Variants in NFAT5 observed in about 807,000 individuals in gnomAD.
The protein encoded by NFAT5 is nuclear factor of activated T-cells 5.
Under a neutral mutation model 166.5 loss-of-function variants are expected in NFAT5, and 31 were observed. The ratio of observed to expected loss-of-function variants is 0.19; its 90% CI spans 0.14 to 0.25. The LOEUF (loss-of-function observed/expected upper bound fraction) is 0.25, where lower values mean the gene tolerates loss of function less well. NFAT5 is among the 10% of genes least tolerant of loss of function. The pLI is 1.00. For synonymous variants in NFAT5, 612 were observed against 639.7 expected, an observed-to-expected ratio of 0.96 and a Z score of 0.65; for missense variants, 1,449 against 1,821.8, an observed-to-expected ratio of 0.80 and a Z score of 3.72.
At chr16:69,576,949 A>G (rs190094083) in intron 2 of NFAT5, among the ~76,000 whole-genome samples, 4 of 152,328 alleles carry the variant, frequency 2.6e-5, no homozygotes, top group Non-Finnish European at 4.4e-5. Flanking sequence ...GGAAGCATGG[A>G]TGCCATTGTT....
At chr16:69,582,330 G>A (rs986998035) in intron 2 of NFAT5, among the ~76,000 whole-genome samples, 25 of 151,954 alleles carry the variant, frequency 1.6e-4, no homozygotes, top group African/African-American at 5.8e-4. Flanking sequence ...GAATTGTAAG[G>A]GGGTAGTGTC....
At chr16:69,571,976 A>G (rs974494867) in intron 2 of NFAT5, among the ~76,000 whole-genome samples, 7 of 151,876 alleles carry the variant, frequency 4.6e-5, no homozygotes, top group Non-Finnish European at 8.8e-5. Flanking sequence ...ATTAGCCAGG[A>G]TGGTCTCGAT....
At chr16:69,614,817 A>G (rs2033863725) in intron 2 of NFAT5, among the ~76,000 whole-genome samples, 1 of 150,360 alleles carries the variant, frequency 6.7e-6, no homozygotes, top group Non-Finnish European at 1.5e-5. Context: ...ATATCTCTTT[A>G]GTTTCTTTGA....
intron 3 of NFAT5, among the ~76,000 whole-genome samples, chr16:69,630,715 T>C (rs1021411861): frequency 1.3e-5 from 2 of 152,220 alleles, no homozygotes; most frequent in Non-Finnish European, 2.9e-5. Context: ...AAAGATTCTT[T>C]TGTTTATTTT....
rs552453933 is a variant in NFAT5, at chr16:69,673,335, T to C, written c.1557+3047T>C. On this transcript the variant is annotated intron_variant, in intron 9 of 14. Transcript: ENST00000349945. ...CTAAAGGGGTTTTCTTGGAAGCCTT[T>C]TCTTTGAGTGGAATCAGAGCTGAGA... 2.0e-5 allele frequency among the ~76,000 whole-genome samples: 3 copies of C among 152,272 alleles called. No homozygotes were observed. In the South Asian group the frequency reaches 6.2e-4, roughly 32 times the overall value.
chr16:69,670,099 GA>G lies in NFAT5; in HGVS notation c.1496del (p.Asn499MetfsTer26). On this transcript the variant is annotated frameshift_variant, in exon 8 of 15. Transcript: ENST00000349945. LOFTEE classifies it high-confidence loss of function. ...FLKGTKVIFQ[E>X]NVSDENSWKS... Reference sequence around the variant, plus strand: ...GAAAGGAACTAAAGTTATTTTCCAAGAAAATGTTTCTGGTAAGTACGCATAT... The same window carrying G: ...GAAAGGAACTAAAGTTATTTTCCAAGAAATGTTTCTGGTAAGTACGCATAT... 6.2e-7 allele frequency: 1 copy of G among 1,611,170 alleles called. No individual in the cohort carries two copies. Among genetic ancestry groups the G allele is most frequent in the Non-Finnish European group, 8.5e-7 (1 of 1,179,292 alleles).
intron 9 of NFAT5, among the ~76,000 whole-genome samples, chr16:69,676,635 T>A (rs1161502336): frequency 6.6e-6 from 1 of 152,204 alleles, no homozygotes; most frequent in Non-Finnish European, 1.5e-5. Context: ...TACATTCTTA[T>A]GTTTGGAGAA....
chr16:69,664,434 A>AT (rs1478138445), intron 7 of NFAT5, among the ~76,000 whole-genome samples: 1 of 151,958 alleles, frequency 6.6e-6, no homozygotes, highest in Non-Finnish European at 1.5e-5. Flanking sequence ...ACAGGTGCCC[A>AT]TTACCACGCC....
At chr16:69,620,849 T>G (rs1048804177) in intron 2 of NFAT5, among the ~76,000 whole-genome samples, 1 of 152,242 alleles carries the variant, frequency 6.6e-6, no homozygotes, top group Admixed American at 6.5e-5. Flanking sequence ...AATTATGACA[T>G]AAGATTTAAT....
Position 69,585,105 on chromosome 16 carries a change from C to T in NFAT5, c.127+16557C>T, listed in dbSNP as rs561833536. Reference sequence around the variant, plus strand: ...CTCTGCCTCCCGGGTTGAAGCGATTCTCCTGCCTCAGCCTCCCTAGTAGCT... The same window carrying T: ...CTCTGCCTCCCGGGTTGAAGCGATTTTCCTGCCTCAGCCTCCCTAGTAGCT... On this transcript the variant is annotated intron_variant, in intron 2 of 14. Coordinates refer to ENST00000349945, the MANE Select transcript of NFAT5 (RefSeq NM_138713.4). 2.0e-4 allele frequency among the ~76,000 whole-genome samples: 30 copies of T among 152,086 alleles called. No individual in the cohort carries two copies. The East Asian group carries it at 3.9e-3, about 20-fold the overall frequency.
At chr16:69,690,592 T>A (rs2037507576) in intron 11 of NFAT5, 1 of 153,578 alleles carries the variant, frequency 6.5e-6, no homozygotes, top group African/African-American at 2.4e-5. Flanking sequence ...AGTAGCTTTA[T>A]CCTCCTGGAG....
chr16:69,588,250 G>A (rs896431058), intron 2 of NFAT5, among the ~76,000 whole-genome samples: 1 of 152,078 alleles, frequency 6.6e-6, no homozygotes, highest in Admixed American at 6.6e-5. Context: ...GCACCTGGCC[G>A]CATGATTAGT....
At chr16:69,651,551 T>G (rs930656444) in intron 4 of NFAT5, among the ~76,000 whole-genome samples, 5 of 152,202 alleles carry the variant, frequency 3.3e-5, no homozygotes, top group Non-Finnish European at 7.3e-5. Context: ...CTGGTTGCTT[T>G]TAGAGGAGAT....
intron 2 of NFAT5, among the ~76,000 whole-genome samples, chr16:69,624,040 C>T (rs533246162): frequency 5.3e-5 from 8 of 152,050 alleles, no homozygotes; most frequent in East Asian, 3.9e-4. Flanking sequence ...CATGAACCAC[C>T]GTGACCGGCC....
intron 3 of NFAT5, among the ~76,000 whole-genome samples, chr16:69,645,552 T>A (rs2035402806): frequency 6.6e-6 from 1 of 152,166 alleles, no homozygotes; most frequent in African/African-American, 2.4e-5. Context: ...TGTTTTCAAT[T>A]GAAAAAAACA....
At chr16:69,629,204 T>G (rs147553938) in intron 3 of NFAT5, among the ~76,000 whole-genome samples, 85 of 152,374 alleles carry the variant, frequency 5.6e-4, no homozygotes, top group African/African-American at 1.9e-3. Context: ...AGACTTCTAG[T>G]TCTGCCATAA....
intron 2 of NFAT5, among the ~76,000 whole-genome samples, chr16:69,609,423 A>G (rs1387823792): frequency 6.6e-6 from 1 of 152,228 alleles, no homozygotes; most frequent in East Asian, 1.9e-4. Flanking sequence ...TAAAAAAAAT[A>G]TACATATGTC....
chr16:69,573,518 A>G (rs901306700), intron 2 of NFAT5, among the ~76,000 whole-genome samples: 1 of 152,122 alleles, frequency 6.6e-6, no homozygotes, highest in African/African-American at 2.4e-5. Flanking sequence ...ATCTCTGTGG[A>G]TCCATGTCTA....
intron 3 of NFAT5, among the ~76,000 whole-genome samples, chr16:69,637,971 A>G (rs2035038663): frequency 6.6e-6 from 1 of 152,206 alleles, no homozygotes; most frequent in African/African-American, 2.4e-5. Flanking sequence ...CTGTAATCCC[A>G]GCATTTTGGG....
Sources: allele counts gnomAD v4.1 joint callset (sites outside exome capture counted in the v4.1 genomes callset), GRCh38; gene constraint gnomAD v4.1.1; transcripts MANE v1.5; gene names NCBI Gene and HGNC (gene_info 2026-07-23, HGNC 2026-07-21).